DNAH11: variants seen among roughly 807,000 people sequenced by gnomAD.
DNAH11 encodes the protein dynein axonemal heavy chain 11, also known as axonemal beta dynein heavy chain 11.
In DNAH11, 442 loss-of-function variants were observed where a neutral mutation model predicts 526.0. The observed-to-expected ratio is 0.84, with a 90% CI of 0.78 to 0.91. The LOEUF (loss-of-function observed/expected upper bound fraction) is 0.91. Ranked by LOEUF, DNAH11 falls within the 40% of genes least tolerant of loss-of-function variation. The probability of loss-of-function intolerance (pLI) is 0.00; values close to 1 mark genes in which losing one functional copy is unlikely to be tolerated. For missense variants in DNAH11, 6,989 were observed against 5,448.7 expected (o/e 1.28, Z -8.90); for synonymous variants, 2,461 against 1,935.9 (o/e 1.27, Z -7.12).
intron 65 of DNAH11, among the ~76,000 whole-genome samples, chr7:21,841,180 TCA>T (rs1270086026): frequency 2.6e-5 from 4 of 152,010 alleles, no homozygotes; most frequent in Non-Finnish European, 4.4e-5. Context: ...TGAGACACTG[TCA>T]CACACACACA....
rs1366183602 is a variant in DNAH11 at position 21,681,612 on chromosome 7, A to T, written c.5395A>T (p.Ile1799Phe). 1 of 1,613,932 alleles carries T rather than the reference A, an allele frequency of 6.2e-7. No individual in the cohort carries two copies. The highest frequency in any genetic ancestry group is 2.2e-5 in the East Asian group (1 of 44,874). ...ACTTCCACCTGGAGACAGACAGAAG[A>T]TCATGACAATTTGTACCATAGATGT... ...GELPPGDRQK[I>F]MTICTIDVHA... The change falls in exon 31 of 82, where the codon ATC (isoleucine) becomes TTC (phenylalanine). Residue 1799 changes from isoleucine to phenylalanine, a missense_variant. Transcript: ENST00000409508.
chr7:21,621,242 G>A (rs1786039910), intron 25 of DNAH11, among the ~76,000 whole-genome samples: 1 of 151,978 alleles, frequency 6.6e-6, no homozygotes, highest in Non-Finnish European at 1.5e-5. Context: ...TAAATTCCTC[G>A]ACACATACAC....
chr7:21,562,755 A>G (rs1783518830), intron 5 of DNAH11, among the ~76,000 whole-genome samples: 1 of 152,234 alleles, frequency 6.6e-6, no homozygotes, highest in African/African-American at 2.4e-5. Context: ...ATTGATAAAA[A>G]TAGTAATTTT....
Position 21,894,634 on chromosome 7 carries a change from C to T in DNAH11, c.12762C>T (p.Val4254=). The change falls in exon 78 of 82, where the codon GTC becomes GTT. Residue 4254 remains valine, a synonymous_variant. Transcript: ENST00000409508. ...GTTACTGATTTAAGGTTAAGAATGTCTTGGATGACATTTTGGAGAAACTTC... is the reference window on the plus strand; with the variant it reads ...GTTACTGATTTAAGGTTAAGAATGTTTTGGATGACATTTTGGAGAAACTTC... The part of the protein sequence containing the change: ...GQSTEEKVKN[V]LDDILEKLPE... 5 of 1,613,434 alleles carry T rather than the reference C, an allele frequency of 3.1e-6. No homozygotes were observed. The highest frequency in any genetic ancestry group is 4.2e-6 in the Non-Finnish European group (5 of 1,179,768).
In DNAH11 at chr7:21,635,883, A is replaced by G. The variant is rs762286891; in HGVS notation, c.4513A>G (p.Thr1505Ala). 1 of 1,609,838 alleles carries G rather than the reference A, an allele frequency of 6.2e-7. No individual in the cohort carries two copies. Among genetic ancestry groups the G allele is most frequent in the African/African-American group, 1.3e-5 (1 of 74,840 alleles). ...GCCTTTATTTTAGGTTCAGTTGCAG[A>G]CTCTTCTTCAAAGCAAGTATGTAGA... ...TLEHNQVQLQ[T>A]LLQSKYVEYF... Residue 1505 changes from threonine to alanine, a missense_variant, in exon 26 of 82, where the codon ACT becomes GCT. Transcript: ENST00000409508.
At chr7:21,714,521 A>G (rs1784578251) in intron 42 of DNAH11, among the ~76,000 whole-genome samples, 1 of 152,230 alleles carries the variant, frequency 6.6e-6, no homozygotes, top group Non-Finnish European at 1.5e-5. Flanking sequence ...TTATATTAAC[A>G]AAATGATAGC....
chr7:21,901,309 A>C lies in DNAH11; in HGVS notation c.*55A>C, dbSNP rs1336515230. ...TGGAGTGCAGTGAGGATTTTCTAGC[A>C]TGTTGCTGCACTGTTCCCATGCACA... On this transcript the variant is annotated 3_prime_UTR_variant, in exon 82 of 82. Coordinates refer to ENST00000409508, the MANE Select transcript of DNAH11 (RefSeq NM_001277115.2). 19 of 1,500,706 alleles carry C rather than the reference A, an allele frequency of 1.3e-5. No individual in the cohort carries two copies. The South Asian group carries it at 2.6e-4, about 20-fold the overall frequency. 93.0% of individuals were successfully genotyped at this position (1,500,706 alleles called of 1,614,324 possible). A position where few individuals can be genotyped will look rare whatever the true frequency, so the allele number is the denominator to read the frequency against.
In DNAH11 at chr7:21,659,480, A is replaced by G. The variant is rs888698818; in HGVS notation, c.5328+449A>G. On this transcript the variant is annotated intron_variant, in intron 30 of 81. Transcript: ENST00000409508. Reference sequence around the variant, plus strand: ...TGAAAAATAATCTATTTTGAATTCTATTTTATTGATCCCAGTTATCCTGTG... The same window carrying G: ...TGAAAAATAATCTATTTTGAATTCTGTTTTATTGATCCCAGTTATCCTGTG... Among the ~76,000 whole-genome samples, 4 of 151,932 alleles carry G rather than the reference A, an allele frequency of 2.6e-5. No individual in the cohort carries two copies. In the South Asian group the frequency reaches 6.2e-4, roughly 24 times the overall value.
At chr7:21,632,839 C>T (rs762587183) in intron 25 of DNAH11, among the ~76,000 whole-genome samples, 4 of 152,164 alleles carry the variant, frequency 2.6e-5, no homozygotes, top group Admixed American at 6.5e-5. Context: ...TCCACATTTT[C>T]GGGTGTCTTT....
rs1325044225 is a variant in DNAH11, at chr7:21,816,538, G to A, written c.10404G>A (p.Trp3468Ter). 6.2e-7 allele frequency: 1 copy of A among 1,612,756 alleles called. No homozygotes were observed. Among genetic ancestry groups the A allele is most frequent in the African/African-American group, 1.3e-5 (1 of 74,858 alleles). ...MLTDDATIAA[W>*]NNEGLPSDRM... The stretch of plus-strand genomic sequence containing the variant: ...CGGATGATGCTACAATTGCCGCCTG[G>A]AATAACGAAGGACTGCCCAGTGACA... The change falls in exon 64 of 82, where the codon TGG becomes TGA. Residue 3468 changes from tryptophan to a stop codon, truncating the protein, a stop_gained. Transcript: ENST00000409508. LOFTEE classifies it high-confidence loss of function.
chr7:21,555,941 T>C (rs574298827), intron 2 of DNAH11, among the ~76,000 whole-genome samples: 1 of 152,264 alleles, frequency 6.6e-6, no homozygotes, highest in East Asian at 1.9e-4. Context: ...CTTGGAGACA[T>C]GAAGAACAGT....
Position 21,901,374 on chromosome 7 carries a change from TTCAACGCTATCC to T in DNAH11, c.*122_*133del. On this transcript the variant is annotated 3_prime_UTR_variant, in exon 82 of 82. Coordinates refer to ENST00000409508, the MANE Select transcript of DNAH11 (RefSeq NM_001277115.2). ...TAGTAACTCACACGTGCATTCTTTT[TTCAACGCTATCC>T]TTAGAGTGAAAGTCAGAAAAAAATA... is the stretch of plus-strand genomic sequence containing the variant. The T allele has an allele frequency of 7.5e-7, 1 of 1,326,314 alleles. No homozygotes were observed. Among genetic ancestry groups the T allele is most frequent in the Non-Finnish European group, 9.8e-7 (1 of 1,018,722 alleles). 82.2% of individuals were successfully genotyped at this position (1,326,314 alleles called of 1,614,324 possible).
chr7:21,731,672 T>G (rs9639391), intron 45 of DNAH11, among the ~76,000 whole-genome samples: 35,676 of 152,116 alleles, frequency 0.23, 4,457 homozygotes, highest in East Asian at 0.47. Flanking sequence ...TTGGTCAACA[T>G]TGGTCCAAAA....
At chr7:21,628,468 G>C (rs796707591) in intron 25 of DNAH11, among the ~76,000 whole-genome samples, 5 of 152,028 alleles carry the variant, frequency 3.3e-5, no homozygotes, top group Non-Finnish European at 5.9e-5. Context: ...TGTTCCTTCT[G>C]TGCCAATTTT....
At chr7:21,861,017 C>T (rs1217032607) in intron 68 of DNAH11, among the ~76,000 whole-genome samples, 3 of 152,164 alleles carry the variant, frequency 2.0e-5, no homozygotes. Context: ...CCTCCCACAA[C>T]ACATGGGAAT....
At chr7:21,609,893 C>G (rs536039069) in intron 20 of DNAH11, among the ~76,000 whole-genome samples, 1 of 152,264 alleles carries the variant, frequency 6.6e-6, no homozygotes, top group East Asian at 1.9e-4. Flanking sequence ...TAGGGAAGGT[C>G]TGCAGCCTGC....
chr7:21,774,028 A>T (rs1366391226), intron 56 of DNAH11, 29 bp downstream of exon 56: 1 of 1,492,704 alleles, frequency 6.7e-7, no homozygotes, highest in African/African-American at 1.4e-5. Flanking sequence ...ATTACTGAGT[A>T]ATATTTATGC....
intron 20 of DNAH11, among the ~76,000 whole-genome samples, chr7:21,609,430 G>A (rs1361931706): frequency 6.6e-6 from 1 of 152,100 alleles, no homozygotes; most frequent in Non-Finnish European, 1.5e-5. Context: ...ATGTTGGCCA[G>A]ACTGTTCTTG....
Position 21,901,412 on chromosome 7 carries a change from C to G in DNAH11, c.*158C>G. On this transcript the variant is annotated 3_prime_UTR_variant, in exon 82 of 82. Transcript: ENST00000409508. ...TTAGAGTGAAAGTCAGAAAAAAATA[C>G]TAGAAACTAACTCAGGGCTGAGCGT... The G allele has an allele frequency of 9.3e-7, 1 of 1,074,212 alleles. No homozygotes were observed. Among genetic ancestry groups the G allele is most frequent in the East Asian group, 3.0e-5 (1 of 33,778 alleles). The allele number at this position is 1,074,212 out of a possible 1,614,324, so 66.5% of individuals were successfully genotyped here.
Sources: gnomAD v4.1 joint callset for allele counts (sites outside exome capture counted in the v4.1 genomes callset) on GRCh38, gnomAD v4.1.1 for gene constraint, MANE v1.5 for transcripts, NCBI Gene and HGNC (gene_info 2026-07-23, HGNC 2026-07-21) for gene names.